VTI1A: variants seen among roughly 807,000 people sequenced by gnomAD.
VTI1A encodes the protein vesicle transport through interaction with t-SNAREs 1A.
Under a neutral mutation model 34.9 loss-of-function variants are expected in VTI1A, and 22 were observed. The ratio of observed to expected loss-of-function variants is 0.63; its 90% CI spans 0.45 to 0.90. The LOEUF (loss-of-function observed/expected upper bound fraction) is 0.90. VTI1A is among the 40% of genes least tolerant of loss of function. The pLI, the probability that VTI1A is intolerant of heterozygous loss-of-function variation, is 0.00. For synonymous variants in VTI1A, 87 were observed against 97.3 expected, an observed-to-expected ratio of 0.89 and a Z score of 0.62; for missense variants, 268 against 275.6, an observed-to-expected ratio of 0.97 and a Z score of 0.20.
chr10:112,640,791 G>T (rs1226096528), intron 5 of VTI1A, among the ~76,000 whole-genome samples: 13 of 152,166 alleles, frequency 8.5e-5, no homozygotes, highest in Middle Eastern at 3.2e-3. Flanking sequence ...AAGTGAATCA[G>T]TATTCTTTTG....
chr10:112,796,387 C>T (rs1453710826), intron 7 of VTI1A, among the ~76,000 whole-genome samples: 1 of 139,132 alleles, frequency 7.2e-6, no homozygotes, highest in East Asian at 2.1e-4. Flanking sequence ...GCCTGGGCCC[C>T]AGAGCAAGAC....
chr10:112,682,830 G>A (rs1365009539), intron 7 of VTI1A, among the ~76,000 whole-genome samples: 6 of 152,198 alleles, frequency 3.9e-5, no homozygotes, highest in Non-Finnish European at 8.8e-5. Context: ...TGGAGAGCTC[G>A]CTCCTGATCC....
At chr10:112,491,693 T>G (rs778549195) in intron 3 of VTI1A, among the ~76,000 whole-genome samples, 38 of 152,234 alleles carry the variant, frequency 2.5e-4, no homozygotes, top group Non-Finnish European at 3.4e-4. Context: ...TTTTTTCTTG[T>G]CTTCAGAGTC....
chr10:112,530,408 G>T (rs1478892728), intron 4 of VTI1A, among the ~76,000 whole-genome samples: 1 of 152,240 alleles, frequency 6.6e-6, no homozygotes, highest in Admixed American at 6.5e-5. Context: ...TAACTTGATT[G>T]CATTTCATGA....
At chr10:112,458,549 C>T (rs1677761742) in intron 1 of VTI1A, among the ~76,000 whole-genome samples, 1 of 152,040 alleles carries the variant, frequency 6.6e-6, no homozygotes, top group Non-Finnish European at 1.5e-5. Flanking sequence ...GACAACTGTT[C>T]CCCCTCTGTA....
chr10:112,744,459 CTTT>C (rs11400561), intron 7 of VTI1A, among the ~76,000 whole-genome samples: 5 of 126,066 alleles, frequency 4.0e-5, no homozygotes, highest in Admixed American at 8.4e-5. Context: ...CTTCTTCTTC[CTTT>C]TTTTTTTTTT....
chr10:112,550,382 T>A (rs1381547167), intron 5 of VTI1A, among the ~76,000 whole-genome samples: 2 of 151,952 alleles, frequency 1.3e-5, no homozygotes, highest in East Asian at 3.9e-4. Flanking sequence ...GTTTATGTAT[T>A]TAACAGAATT....
intron 3 of VTI1A, among the ~76,000 whole-genome samples, chr10:112,467,584 G>C (rs1394056709): frequency 6.6e-6 from 1 of 152,240 alleles, no homozygotes; most frequent in Non-Finnish European, 1.5e-5. Flanking sequence ...GGACTAGCTT[G>C]ATATAGGCTA....
At chr10:112,585,455 A>C (rs1244708117) in intron 5 of VTI1A, among the ~76,000 whole-genome samples, 1 of 152,194 alleles carries the variant, frequency 6.6e-6, no homozygotes, top group African/African-American at 2.4e-5. Context: ...CATTTTCATG[A>C]AAGAACTTTC....
chr10:112,578,443 A>C (rs973135079), intron 5 of VTI1A, among the ~76,000 whole-genome samples: 1 of 152,206 alleles, frequency 6.6e-6, no homozygotes, highest in African/African-American at 2.4e-5. Flanking sequence ...ATAGGTTTGG[A>C]GGGCAGAAAA....
At chr10:112,696,308 C>A (rs977407735) in intron 7 of VTI1A, among the ~76,000 whole-genome samples, 1 of 152,106 alleles carries the variant, frequency 6.6e-6, no homozygotes, top group African/African-American at 2.4e-5. Context: ...AAAGCACACT[C>A]TCTTCTTTAT....
At chr10:112,452,199 T>A (rs1243265759) in intron 1 of VTI1A, among the ~76,000 whole-genome samples, 1 of 152,146 alleles carries the variant, frequency 6.6e-6, no homozygotes, top group Non-Finnish European at 1.5e-5. Context: ...CTGGGCAAGG[T>A]CCAGCTTTTT....
intron 5 of VTI1A, 150 bp downstream of exon 5, chr10:112,538,480 G>T: frequency 3.0e-6 from 2 of 668,326 alleles, no homozygotes; most frequent in Non-Finnish European, 2.6e-6. Flanking sequence ...GCTTATTTGC[G>T]CTTATCTTTT....
chr10:112,829,195 A>G, the VTI1A span, among the ~76,000 whole-genome samples: 4 of 152,226 alleles, frequency 2.6e-5, no homozygotes, highest in African/African-American at 7.2e-5. Context: ...CTGTAATCCC[A>G]GCACTTTAGG....
At chr10:112,646,045 G>A (rs1846770370) in intron 5 of VTI1A, among the ~76,000 whole-genome samples, 1 of 146,392 alleles carries the variant, frequency 6.8e-6, no homozygotes, top group Admixed American at 7.0e-5. Flanking sequence ...TTTTATTTAT[G>A]TGCCATAGGG....
At chr10:112,551,100 C>G (rs946003397) in intron 5 of VTI1A, among the ~76,000 whole-genome samples, 1 of 151,902 alleles carries the variant, frequency 6.6e-6, no homozygotes, top group East Asian at 1.9e-4. Context: ...AAAAATTAGC[C>G]GGGCGTGATA....
intron 4 of VTI1A, among the ~76,000 whole-genome samples, chr10:112,530,908 A>G (rs1235207487): frequency 1.3e-5 from 2 of 152,184 alleles, no homozygotes; most frequent in African/African-American, 2.4e-5. Flanking sequence ...GACTGTCATC[A>G]TAAGTTCAGA....
At chr10:112,674,789 C>A (rs906419962) in intron 7 of VTI1A, among the ~76,000 whole-genome samples, 17 of 152,278 alleles carry the variant, frequency 1.1e-4, no homozygotes, top group Non-Finnish European at 2.2e-4. Flanking sequence ...TAGAAAGGAA[C>A]AGAATTAGGA....
rs565343537 is a variant in VTI1A at position 112,688,215 on chromosome 10, A to G, written c.560+19217A>G. On this transcript the variant is annotated intron_variant, in intron 7 of 7. Transcript: ENST00000393077. ...GTAATCTGCCCGCCTCAGCCTCCCA[A>G]AGTGCTGGGATTATATGTGTGAGCC... is the stretch of plus-strand genomic sequence containing the variant. Among the ~76,000 whole-genome samples the G allele has an allele frequency of 1.9e-3, 292 of 152,010 alleles. 3 individuals are homozygous for G. Among genetic ancestry groups the G allele is most frequent in the African/African-American group, 6.9e-3 (287 of 41,496 alleles).
Sources: gnomAD v4.1 joint callset for allele counts (sites outside exome capture counted in the v4.1 genomes callset) on GRCh38, gnomAD v4.1.1 for gene constraint, MANE v1.5 for transcripts, NCBI Gene and HGNC (gene_info 2026-07-23, HGNC 2026-07-21) for gene names.